Variants in MGAT5 observed in about 807,000 individuals in gnomAD.
The protein encoded by MGAT5 is alpha-1,6-mannosylglycoprotein 6-beta-N-acetylglucosaminyltransferase.
A neutral mutation model predicts 94.3 loss-of-function variants in MGAT5; 30 were observed. The observed-to-expected ratio is 0.32, with a 90% CI of 0.24 to 0.43. MGAT5 has a LOEUF of 0.43. Among genes scored for constraint, MGAT5 ranks in the 20% least tolerant of loss-of-function variants. The pLI is 1.00. For missense variants in MGAT5, 691 were observed against 905.5 expected, an observed-to-expected ratio of 0.76 and a Z score of 3.04; for synonymous variants, 310 against 322.9, an observed-to-expected ratio of 0.96 and a Z score of 0.43.
intron 1 of MGAT5, among the ~76,000 whole-genome samples, chr2:134,183,854 G>C (rs1185750305): frequency 6.6e-6 from 1 of 152,180 alleles, no homozygotes; most frequent in Non-Finnish European, 1.5e-5. Context: ...GTGTTACGTG[G>C]GCAGCAGGCC....
chr2:134,174,621 A>G (rs1164508106), intron 1 of MGAT5, among the ~76,000 whole-genome samples: 1 of 152,264 alleles, frequency 6.6e-6, no homozygotes, highest in Admixed American at 6.5e-5. Context: ...GTTGGCATCA[A>G]AGACGAATAA....
intron 9 of MGAT5, among the ~76,000 whole-genome samples, chr2:134,359,355 G>C (rs534867161): frequency 2.0e-5 from 3 of 152,336 alleles, no homozygotes; most frequent in Admixed American, 6.5e-5. Context: ...AGCCAATCTG[G>C]CTCTGAATCC....
At chr2:134,297,734 T>TA (rs373864948) in intron 2 of MGAT5, among the ~76,000 whole-genome samples, 383 of 152,256 alleles carry the variant, frequency 2.5e-3, no homozygotes, top group African/African-American at 8.8e-3. Flanking sequence ...ACATCATACT[T>TA]ACTAGAAAAG....
At chr2:134,273,043 G>A (rs1386738921) in intron 2 of MGAT5, among the ~76,000 whole-genome samples, 1 of 151,880 alleles carries the variant, frequency 6.6e-6, no homozygotes. Flanking sequence ...GCGCGTGCAT[G>A]CATGCAGAGG....
intron 1 of MGAT5, among the ~76,000 whole-genome samples, chr2:134,157,177 C>G (rs1295731323): frequency 6.6e-6 from 1 of 152,132 alleles, no homozygotes; most frequent in Non-Finnish European, 1.5e-5. Flanking sequence ...ACTTATAAAA[C>G]TGCTAAAATC....
chr2:134,384,046 A>G (rs1402043428), intron 10 of MGAT5, among the ~76,000 whole-genome samples: 2 of 152,114 alleles, frequency 1.3e-5, no homozygotes, highest in Non-Finnish European at 2.9e-5. Flanking sequence ...ATTGGACATA[A>G]AAATTTTATG....
chr2:134,348,420 CTTTCT>C, intron 8 of MGAT5, among the ~76,000 whole-genome samples: 1 of 152,204 alleles, frequency 6.6e-6, no homozygotes, highest in East Asian at 1.9e-4. Flanking sequence ...GCCTGCCTGC[CTTTCT>C]TTTCTTCACT....
intron 1 of MGAT5, among the ~76,000 whole-genome samples, chr2:134,226,433 C>A (rs978880980): frequency 1.3e-5 from 2 of 152,112 alleles, no homozygotes; most frequent in African/African-American, 4.8e-5. Context: ...ACTAGAAGTT[C>A]TTTTTCTATA....
Position 134,412,895 on chromosome 2 carries a change from C to T in MGAT5, c.1557C>T (p.Tyr519=), listed in dbSNP as rs146797944. The T allele has an allele frequency of 1.3e-4, 206 of 1,614,068 alleles. No homozygotes were observed. The highest frequency in any genetic ancestry group is 1.6e-4 in the Non-Finnish European group (188 of 1,179,998). ...TGTTTGTTGGACTTGGGTTCCCTTACGAGGGCCCAGCTCCCCTGGAAGCTA... is the reference window on the plus strand; with the variant it reads ...TGTTTGTTGGACTTGGGTTCCCTTATGAGGGCCCAGCTCCCCTGGAAGCTA... ...TKLFVGLGFP[Y]EGPAPLEAIA... Residue 519 remains tyrosine, a synonymous_variant, in exon 12 of 16, where the codon TAC becomes TAT. Transcript: ENST00000281923.
At chr2:134,357,524 A>G (rs78131199) in intron 9 of MGAT5, among the ~76,000 whole-genome samples, 3,231 of 152,328 alleles carry the variant, frequency 0.021, 116 homozygotes, top group African/African-American at 0.074. Context: ...GTTAACTTCC[A>G]TGTACAATTT....
chr2:134,200,861 T>G (rs1276171656), intron 1 of MGAT5, among the ~76,000 whole-genome samples: 1 of 151,952 alleles, frequency 6.6e-6, no homozygotes, highest in Non-Finnish European at 1.5e-5. Context: ...TCTACAAAAA[T>G]AAAAATAAAA....
At chr2:134,387,739 A>G (rs1682120534) in intron 10 of MGAT5, among the ~76,000 whole-genome samples, 1 of 152,116 alleles carries the variant, frequency 6.6e-6, no homozygotes, top group African/African-American at 2.4e-5. Flanking sequence ...AGCACAAAAG[A>G]GTTTGGTGAA....
intron 2 of MGAT5, among the ~76,000 whole-genome samples, chr2:134,311,990 C>A (rs1419859859): frequency 1.3e-5 from 2 of 152,150 alleles, no homozygotes; most frequent in Admixed American, 6.5e-5. Context: ...TGGCTTATGC[C>A]TGTAATCCCA....
chr2:134,237,925 A>G (rs1681750354), intron 1 of MGAT5, among the ~76,000 whole-genome samples: 1 of 151,574 alleles, frequency 6.6e-6, no homozygotes, highest in African/African-American at 2.4e-5. Context: ...TAATTTTTGT[A>G]TTTTTAGTAG....
intron 2 of MGAT5, among the ~76,000 whole-genome samples, chr2:134,306,211 G>T (rs992852855): frequency 1.3e-5 from 2 of 152,080 alleles, no homozygotes; most frequent in Non-Finnish European, 2.9e-5. Context: ...TTTTGTTGCA[G>T]AAGAAATGAT....
At chr2:134,307,025 C>T (rs4144833) in intron 2 of MGAT5, among the ~76,000 whole-genome samples, 94,444 of 151,918 alleles carry the variant, frequency 0.62, 30,432 homozygotes, top group Non-Finnish European at 0.69. Flanking sequence ...TAGTATCTTA[C>T]GAGAGGGTTG....
chr2:134,346,335 T>C (rs1688925195), intron 8 of MGAT5, among the ~76,000 whole-genome samples: 1 of 152,194 alleles, frequency 6.6e-6, no homozygotes, highest in Admixed American at 6.5e-5. Context: ...TGATTTCTTG[T>C]TGGATGAAAA....
intron 1 of MGAT5, among the ~76,000 whole-genome samples, chr2:134,164,237 G>C (rs554241550): frequency 6.6e-6 from 1 of 152,286 alleles, no homozygotes; most frequent in South Asian, 2.1e-4. Context: ...GGGGAACTGA[G>C]GCTGTTTTCT....
At position 134,450,783 on chromosome 2, in the gene MGAT5, AGTGTGT is replaced by A. The variant is rs58666142; in HGVS notation, c.*1979_*1984del. On this transcript the variant is annotated 3_prime_UTR_variant, in exon 16 of 16. Transcript: ENST00000281923. ...AGTCCAAAGGAAACCTTGGTGAGTG[AGTGTGT>A]GTGTGTGTGTGTGTGTGTGTGTGTG... is the stretch of plus-strand genomic sequence containing the variant. 0.16 allele frequency: 22,480 copies of A among 137,140 alleles called. 1,804 individuals are homozygous for A. Among genetic ancestry groups the A allele is most frequent in the Non-Finnish European group, 0.21 (13,255 of 62,202 alleles). 8.5% of individuals were successfully genotyped at this position (137,140 alleles called of 1,614,324 possible). A position where few individuals can be genotyped will look rare whatever the true frequency, so the allele number is the denominator to read the frequency against.
Sources: allele counts gnomAD v4.1 joint callset (sites outside exome capture counted in the v4.1 genomes callset), GRCh38; gene constraint gnomAD v4.1.1; transcripts MANE v1.5; gene names NCBI Gene and HGNC (gene_info 2026-07-23, HGNC 2026-07-21).